Variants in ZDHHC5 observed in about 807,000 individuals in gnomAD.
ZDHHC5 encodes palmitoyltransferase ZDHHC5.
A neutral mutation model predicts 70.0 loss-of-function variants in ZDHHC5; 22 were observed. The observed-to-expected ratio is 0.31, with a 90% CI of 0.22 to 0.45. The LOEUF is 0.45. Among genes scored for constraint, ZDHHC5 ranks in the 20% least tolerant of loss-of-function variants. ZDHHC5 has a pLI of 1.00. For missense variants in ZDHHC5, 746 were observed against 926.9 expected (o/e 0.80, Z 2.53); for synonymous variants, 313 against 347.8 (o/e 0.90, Z 1.11).
At chr11:57,677,085 C>G (rs1460199171) in intron 2 of ZDHHC5, among the ~76,000 whole-genome samples, 6 of 150,686 alleles carry the variant, frequency 4.0e-5, no homozygotes, top group Non-Finnish European at 7.4e-5. Context: ...CTACACCCGG[C>G]TAATTTTTTG....
At chr11:57,670,972 T>C (rs1049198413) in intron 1 of ZDHHC5, among the ~76,000 whole-genome samples, 5 of 152,236 alleles carry the variant, frequency 3.3e-5, no homozygotes, top group Admixed American at 2.6e-4. Context: ...CCGGCTAATT[T>C]TTGTATTTTT....
chr11:57,669,544 C>T (rs585190), intron 1 of ZDHHC5, among the ~76,000 whole-genome samples: 8,791 of 152,192 alleles, frequency 0.058, 848 homozygotes, highest in African/African-American at 0.2. Context: ...GCAACTTCCA[C>T]CTCCCGGGTT....
chr11:57,698,154 A>C (rs1320306456), intron 10 of ZDHHC5, among the ~76,000 whole-genome samples: 6 of 109,802 alleles, frequency 5.5e-5, no homozygotes, highest in African/African-American at 8.3e-5. Flanking sequence ...CACACAAACA[A>C]ATGCCAACTG....
chr11:57,683,552 C>T (rs529109384), intron 3 of ZDHHC5, among the ~76,000 whole-genome samples: 4 of 152,168 alleles, frequency 2.6e-5, no homozygotes, highest in South Asian at 4.1e-4. Context: ...GAATGTCAAA[C>T]GGGTTTGGAG....
At chr11:57,691,348 TTTTATTTA>T (rs918733185) in intron 6 of ZDHHC5, among the ~76,000 whole-genome samples, 2 of 151,946 alleles carry the variant, frequency 1.3e-5, no homozygotes, top group East Asian at 3.9e-4. Context: ...CTAAAATATC[TTTTATTTA>T]TTTATTTATT....
At position 57,696,780 on chromosome 11, in the gene ZDHHC5, G is replaced by A; in HGVS notation, c.1029G>A (p.Lys343=). Reference sequence around the variant, plus strand: ...TTGCAGATAGTAGCTTATTGGCCAAGGACAGCCCCCCGACACCTACCATGT... The same window carrying A: ...TTGCAGATAGTAGCTTATTGGCCAAAGACAGCCCCCCGACACCTACCATGT... ...ATNEDSSLLA[K]DSPPTPTMYK... Residue 343 remains lysine, a synonymous_variant, in exon 10 of 12, where the codon AAG becomes AAA. Coordinates refer to ENST00000287169, the MANE Select transcript of ZDHHC5 (RefSeq NM_015457.3). 6.2e-7 allele frequency: 1 copy of A among 1,613,910 alleles called. No individual in the cohort carries two copies. The highest frequency in any genetic ancestry group is 2.2e-5 in the East Asian group (1 of 44,864).
rs1402090556 is a variant in ZDHHC5, at chr11:57,700,291, A to G, written c.*260A>G. On this transcript the variant is annotated 3_prime_UTR_variant, in exon 12 of 12. Transcript: ENST00000287169. ...GATCCCTGGACCAGACTCAGTGGAC[A>G]TTTGTGCAATTGCTCGCCCTGGAGG... 1.4e-5 allele frequency: 5 copies of G among 346,990 alleles called. No homozygotes were observed. Among genetic ancestry groups the G allele is most frequent in the South Asian group, 1.7e-4 (2 of 12,040 alleles). 21.5% of individuals were successfully genotyped at this position (346,990 alleles called of 1,614,324 possible). A position where few individuals can be genotyped will look rare whatever the true frequency, so the allele number is the denominator to read the frequency against.
intron 6 of ZDHHC5, among the ~76,000 whole-genome samples, chr11:57,691,491 C>G (rs903262034): frequency 5.3e-5 from 8 of 152,076 alleles, no homozygotes; most frequent in Non-Finnish European, 1.0e-4. Context: ...GCCACTGCGC[C>G]CAGCCTAAAA....
At chr11:57,696,949 C>T (rs1410545170) in intron 10 of ZDHHC5, 76 bp downstream of exon 10, 1 of 1,474,362 alleles carries the variant, frequency 6.8e-7, no homozygotes, top group African/African-American at 1.4e-5. Context: ...GTAATCCCAG[C>T]ACTTTGGGAG....
At chr11:57,691,936 C>G (rs1946290501) in intron 6 of ZDHHC5, among the ~76,000 whole-genome samples, 2 of 151,846 alleles carry the variant, frequency 1.3e-5, no homozygotes. Context: ...TATAGTGCTG[C>G]TTACAGGAAA....
At chr11:57,689,089 C>G (rs558964849) in intron 4 of ZDHHC5, among the ~76,000 whole-genome samples, 1 of 152,186 alleles carries the variant, frequency 6.6e-6, no homozygotes, top group African/African-American at 2.4e-5. Context: ...TATCTATTGG[C>G]TCAGTTTTGG....
intron 8 of ZDHHC5, 24 bp downstream of exon 8, chr11:57,693,939 C>G (rs748463316): frequency 2.1e-5 from 34 of 1,596,012 alleles, no homozygotes; most frequent in Non-Finnish European, 2.9e-5. Flanking sequence ...AGAAGTCAAG[C>G]TAGATAACAT....
Position 57,698,541 on chromosome 11 carries a change from C to G in ZDHHC5, c.1123-18C>G, listed in dbSNP as rs771640969. ...TCACAAAAGGAGCACTAAGAGCCTGCTTTACTTTCTTCCTCAGTTGAGTCG... is the reference window on the plus strand; with the variant it reads ...TCACAAAAGGAGCACTAAGAGCCTGGTTTACTTTCTTCCTCAGTTGAGTCG... On this transcript the variant is annotated intron_variant, in intron 10 of 11. Coordinates refer to ENST00000287169, the MANE Select transcript of ZDHHC5 (RefSeq NM_015457.3). 1.3e-6 allele frequency: 2 copies of G among 1,575,058 alleles called. No individual in the cohort carries two copies. The highest frequency in any genetic ancestry group is 2.4e-5 in the South Asian group (2 of 83,420).
At chr11:57,670,618 T>G (rs1196328460) in intron 1 of ZDHHC5, among the ~76,000 whole-genome samples, 1 of 152,160 alleles carries the variant, frequency 6.6e-6, no homozygotes, top group Non-Finnish European at 1.5e-5. Context: ...TAGAGAGGAT[T>G]TATGTTTTCT....
intron 3 of ZDHHC5, 125 bp downstream of exon 3, chr11:57,682,668 G>T (rs988510785): frequency 8.0e-5 from 98 of 1,223,412 alleles, no homozygotes; most frequent in Non-Finnish European, 2.4e-5. Context: ...TAATGATTTG[G>T]GCATACGCAG....
In ZDHHC5 at chr11:57,695,346, C is replaced by T. The variant is rs147518235; in HGVS notation, c.886-574C>T. On this transcript the variant is annotated intron_variant, in intron 8 of 11. Coordinates refer to ENST00000287169, the MANE Select transcript of ZDHHC5 (RefSeq NM_015457.3). The stretch of plus-strand genomic sequence containing the variant: ...GAGGCATGAGAATCGCTTGAACCTG[C>T]GAGCCAGAGGTTGCAATGAGCCGTG... 4.1e-4 allele frequency among the ~76,000 whole-genome samples: 62 copies of T among 150,888 alleles called. No homozygotes were observed. In the East Asian group the frequency reaches 9.3e-3, roughly 23 times the overall value.
intron 3 of ZDHHC5, among the ~76,000 whole-genome samples, chr11:57,686,803 T>C (rs1465052035): frequency 1.3e-5 from 2 of 151,792 alleles, no homozygotes; most frequent in African/African-American, 4.8e-5. Flanking sequence ...GTATACCATG[T>C]ATCTGCAGTA....
chr11:57,687,967 C>T (rs1946231587), intron 3 of ZDHHC5, among the ~76,000 whole-genome samples: 1 of 151,792 alleles, frequency 6.6e-6, no homozygotes, highest in Non-Finnish European at 1.5e-5. Context: ...GACGAGGTTT[C>T]ACCATGTTGG....
rs1211216517 is a variant in ZDHHC5, at chr11:57,688,499, T to A, written c.227-9T>A. ...ATAGTTGTTTTTAATTGACTTTTCCTCTCTACAGCTGAGGAGGATGAGGAC... is the reference window on the plus strand; with the variant it reads ...ATAGTTGTTTTTAATTGACTTTTCCACTCTACAGCTGAGGAGGATGAGGAC... On this transcript the variant is annotated splice_polypyrimidine_tract_variant and intron_variant, in intron 3 of 11. Transcript: ENST00000287169. 3 of 1,534,814 alleles carry A rather than the reference T, an allele frequency of 2.0e-6. No homozygotes were observed. Among genetic ancestry groups the A allele is most frequent in the Non-Finnish European group, 1.8e-6 (2 of 1,136,972 alleles).
Sources: gnomAD v4.1 joint callset for allele counts (sites outside exome capture counted in the v4.1 genomes callset) on GRCh38, gnomAD v4.1.1 for gene constraint, MANE v1.5 for transcripts, NCBI Gene and HGNC (gene_info 2026-07-23, HGNC 2026-07-21) for gene names.